RTRAF: variants seen among roughly 807,000 people sequenced by gnomAD.
RTRAF encodes tRNA-splicing ligase complex subunit RTRAF.
Under a neutral mutation model 34.4 loss-of-function variants are expected in RTRAF, and 14 were observed. That is an observed-to-expected ratio of 0.41 (90% CI 0.27 to 0.64). RTRAF has a LOEUF of 0.64. Ranked by LOEUF, RTRAF falls within the 30% of genes least tolerant of loss-of-function variation. RTRAF has a pLI of 0.34. For missense variants in RTRAF, 291 were observed against 288.4 expected (o/e 1.01, Z -0.06); for synonymous variants, 96 against 95.3 (o/e 1.01, Z -0.04).
chr14:52,005,502 AG>A lies in RTRAF; in HGVS notation c.*987del, dbSNP rs1890736749. 6.3e-7 allele frequency: 1 copy of A among 1,596,854 alleles called. No homozygotes were observed. The highest frequency in any genetic ancestry group is 1.4e-5 in the African/African-American group (1 of 73,906). On this transcript the variant is annotated 3_prime_UTR_variant, in exon 8 of 8. Transcript: ENST00000261700. ...TTACTGTACTTACTTTCTTCCTGTG[AG>A]AGAAGAGCAGGGGTGGGACAGGGTG... is the stretch of plus-strand genomic sequence containing the variant.
chr14:52,005,219 T>A lies in RTRAF; in HGVS notation c.*703T>A, dbSNP rs12896261. The A allele has an allele frequency of 0.073, 25,365 of 346,732 alleles. 1,100 individuals are homozygous for A. The highest frequency in any genetic ancestry group is 0.14 in the Middle Eastern group (174 of 1,272). 21.5% of individuals were successfully genotyped at this position (346,732 alleles called of 1,614,324 possible). A position where few individuals can be genotyped will look rare whatever the true frequency, so the allele number is the denominator to read the frequency against. ...CTTTTAAATATTAATGATAAATGTTTACAAGAAGTTGCTTTAATAAGCAAC... is the reference window on the plus strand; with the variant it reads ...CTTTTAAATATTAATGATAAATGTTAACAAGAAGTTGCTTTAATAAGCAAC... On this transcript the variant is annotated 3_prime_UTR_variant, in exon 8 of 8. Transcript: ENST00000261700.
At chr14:51,989,755 G>T (rs953153685) in intron 1 of RTRAF, 55 bp downstream of exon 1, 21 of 1,525,394 alleles carry the variant, frequency 1.4e-5, no homozygotes, top group Non-Finnish European at 1.9e-5. Flanking sequence ...GGAGGTCCCA[G>T]CCTCAGTGCC....
At position 52,005,762 on chromosome 14, in the gene RTRAF, A is replaced by AGTT. The variant is rs1172130506; in HGVS notation, c.*1247_*1249dup. 1 of 1,613,808 alleles carries AGTT rather than the reference A, an allele frequency of 6.2e-7. No homozygotes were observed. Among genetic ancestry groups the AGTT allele is most frequent in the Admixed American group, 1.7e-5 (1 of 60,020 alleles). On this transcript the variant is annotated 3_prime_UTR_variant, in exon 8 of 8. Transcript: ENST00000261700. ...CTGTTGGGCAGTAGGGGTAGACTGC[A>AGTT]GTTATCCCGTAGAGGTGAGATCGTT...
chr14:52,004,507 T>G lies in RTRAF; in HGVS notation c.726T>G (p.Val242=). ...AGACAGACCACAGACTGGGAAAAGT[T>G]GGAAGATGAACACTTGAGGACTTCA... ...DPKTDHRLGK[V]GR The change falls in exon 8 of 8, where the codon GTT becomes GTG. Residue 242 remains valine, a synonymous_variant. Transcript: ENST00000261700. 1 of 1,612,952 alleles carries G rather than the reference T, an allele frequency of 6.2e-7. No homozygotes were observed. Among genetic ancestry groups the G allele is most frequent in the Non-Finnish European group, 8.5e-7 (1 of 1,179,708 alleles).
chr14:52,003,647 T>TTTTCA (rs1286353635), intron 6 of RTRAF, among the ~76,000 whole-genome samples: 1 of 152,112 alleles, frequency 6.6e-6, no homozygotes, highest in African/African-American at 2.4e-5. Context: ...GTGGTTTAGT[T>TTTTCA]TTTCATTTTC....
intron 1 of RTRAF, among the ~76,000 whole-genome samples, chr14:51,990,699 C>A (rs1594983777): frequency 6.6e-6 from 1 of 152,170 alleles, no homozygotes. Flanking sequence ...ATATTACCTA[C>A]CTCAAAAGAG....
intron 5 of RTRAF, among the ~76,000 whole-genome samples, chr14:52,001,481 CAGGT>C (rs1890601389): frequency 6.6e-6 from 1 of 152,132 alleles, no homozygotes; most frequent in Non-Finnish European, 1.5e-5. Context: ...TCGCAAGGCT[CAGGT>C]AGGAAGGAGA....
chr14:52,006,505 T>C lies in RTRAF; in HGVS notation c.*1989T>C. The C allele has an allele frequency of 6.2e-7, 1 of 1,612,508 alleles. No individual in the cohort carries two copies. Among genetic ancestry groups the C allele is most frequent in the Non-Finnish European group, 8.5e-7 (1 of 1,178,862 alleles). Reference sequence around the variant, plus strand: ...GTGTGTCCTCTGGAACAGTTGGCCTTTTCAGGCTTGTCCAGAATTTGTGGG... The same window carrying C: ...GTGTGTCCTCTGGAACAGTTGGCCTCTTCAGGCTTGTCCAGAATTTGTGGG... On this transcript the variant is annotated 3_prime_UTR_variant, in exon 8 of 8. Transcript: ENST00000261700.
chr14:52,002,630 A>G (rs1431423072), intron 6 of RTRAF, among the ~76,000 whole-genome samples: 2 of 152,264 alleles, frequency 1.3e-5, no homozygotes, highest in South Asian at 4.1e-4. Context: ...AAAGATGCCT[A>G]AAGTTTCACT....
chr14:52,001,758 C>T, intron 5 of RTRAF, 40 bp from the exon 6 acceptor site: 2 of 1,546,832 alleles, frequency 1.3e-6, no homozygotes, highest in Non-Finnish European at 1.8e-6. Context: ...ATGACAGGTA[C>T]ACAGCCTATA....
At chr14:51,991,533 AAATGAT>A (rs952156954) in intron 2 of RTRAF, 92 bp downstream of exon 2, 2 of 1,410,218 alleles carry the variant, frequency 1.4e-6, no homozygotes, top group African/African-American at 2.9e-5. Context: ...TTTAAGAAAA[AAATGAT>A]AATGATCAGT....
Position 51,991,374 on chromosome 14 carries a change from A to G in RTRAF, c.119A>G (p.Tyr40Cys). The G allele has an allele frequency of 6.2e-7, 1 of 1,613,564 alleles. No individual in the cohort carries two copies. The highest frequency in any genetic ancestry group is 1.1e-5 in the South Asian group (1 of 91,056). Residue 40 changes from tyrosine (Y) to cysteine (C), a missense_variant, in exon 2 of 8, where the codon TAC (tyrosine) becomes TGC (cysteine). By Grantham distance (194) the Tyr-to-Cys change is radical. Coordinates refer to ENST00000261700, the MANE Select transcript of RTRAF (RefSeq NM_016039.3). ...VWLEDQKIRH[Y>C]KIEDRGNLRN... ...CTTGAAGACCAGAAAATCAGGCACT[A>G]CAAGATTGAAGACAGAGGGAATTTA...
chr14:52,005,316 G>GAGGTATCAGCTTT lies in RTRAF; in HGVS notation c.*801_*813dup. Reference sequence around the variant, plus strand: ...TTTTAAAAATACAGTAGTAAAGATTGAGGTATCAGCTTTTCACAAAAGTCT... The same window carrying GAGGTATCAGCTTT: ...TTTTAAAAATACAGTAGTAAAGATTGAGGTATCAGCTTTAGGTATCAGCTTTTCACAAAAGTCT... On this transcript the variant is annotated 3_prime_UTR_variant, in exon 8 of 8. Transcript: ENST00000261700. 4.3e-6 allele frequency: 2 copies of GAGGTATCAGCTTT among 470,576 alleles called. No homozygotes were observed. The allele number at this position is 470,576 out of a possible 1,614,324, so 29.2% of individuals were successfully genotyped here. A position where few individuals can be genotyped will look rare whatever the true frequency, so the allele number is the denominator to read the frequency against.
chr14:51,995,829 T>C (rs528619828), intron 3 of RTRAF, among the ~76,000 whole-genome samples: 38 of 152,252 alleles, frequency 2.5e-4, no homozygotes, highest in African/African-American at 8.7e-4. Context: ...AAAACTTTTC[T>C]TTCTTTAGAA....
At position 52,007,955 on chromosome 14, in the gene RTRAF, C is replaced by T; in HGVS notation, c.*3439C>T. On this transcript the variant is annotated 3_prime_UTR_variant, in exon 8 of 8. Transcript: ENST00000261700. ...TAGGAGCTTCTCTATTCCAGTCTGTCCAGTACAAGTTGCTGTAAGTTAAAA... is the reference window on the plus strand; with the variant it reads ...TAGGAGCTTCTCTATTCCAGTCTGTTCAGTACAAGTTGCTGTAAGTTAAAA... 6.2e-7 allele frequency: 1 copy of T among 1,603,458 alleles called. No individual in the cohort carries two copies. Among genetic ancestry groups the T allele is most frequent in the Non-Finnish European group, 8.5e-7 (1 of 1,176,796 alleles).
chr14:52,005,397 C>CT lies in RTRAF; in HGVS notation c.*887dup. 3.0e-6 allele frequency: 4 copies of CT among 1,336,558 alleles called. No homozygotes were observed. The highest frequency in any genetic ancestry group is 4.0e-6 in the Non-Finnish European group (4 of 998,214). The allele number at this position is 1,336,558 out of a possible 1,614,324, so 82.8% of individuals were successfully genotyped here. Reference sequence around the variant, plus strand: ...CTCAGGAACGTCTAATGGCCAATTCCTTTTTTACTTTCTTTGCCTTTGCAG... The same window carrying CT: ...CTCAGGAACGTCTAATGGCCAATTCCTTTTTTTACTTTCTTTGCCTTTGCAG... On this transcript the variant is annotated 3_prime_UTR_variant, in exon 8 of 8. Coordinates refer to ENST00000261700, the MANE Select transcript of RTRAF (RefSeq NM_016039.3).
rs2140337623 is a variant in RTRAF, at chr14:52,006,296, C to CTT, written c.*1784_*1785dup. ...GAGACATTATCCAATAGCTTTGCTA[C>CTT]TTTTTAAGCTATATGTGAGCAATAC... On this transcript the variant is annotated 3_prime_UTR_variant, in exon 8 of 8. Transcript: ENST00000261700. 1 of 461,620 alleles carries CTT rather than the reference C, an allele frequency of 2.2e-6. No individual in the cohort carries two copies. The highest frequency in any genetic ancestry group is 2.7e-5 in the South Asian group (1 of 36,718). 28.6% of individuals were successfully genotyped at this position (461,620 alleles called of 1,614,324 possible). A position where few individuals can be genotyped will look rare whatever the true frequency, so the allele number is the denominator to read the frequency against.
chr14:52,008,415 G>A lies in RTRAF; in HGVS notation c.*3899G>A, dbSNP rs1018140191. The A allele has an allele frequency of 6.5e-6, 1 of 153,734 alleles. No individual in the cohort carries two copies. The highest frequency in any genetic ancestry group is 2.0e-4 in the South Asian group (1 of 4,924). The allele number at this position is 153,734 out of a possible 1,614,324, so 9.5% of individuals were successfully genotyped here. On this transcript the variant is annotated 3_prime_UTR_variant, in exon 8 of 8. Transcript: ENST00000261700. ...ATTACCTGATTGCAGCCTTGTGAGA[G>A]ACTCCATGCCTGAGGGAGCTCGGTG...
At position 52,004,014 on chromosome 14, in the gene RTRAF, A is replaced by G; in HGVS notation, c.532-180A>G. 3.2e-6 allele frequency: 2 copies of G among 616,012 alleles called. 1 individual carries two copies. Among genetic ancestry groups the G allele is most frequent in the South Asian group, 4.2e-5 (2 of 47,584 alleles). The allele number at this position is 616,012 out of a possible 1,614,324, so 38.2% of individuals were successfully genotyped here. A position where few individuals can be genotyped will look rare whatever the true frequency, so the allele number is the denominator to read the frequency against. ...ACTTTTCCCCCTAACCGGTTGAAAT[A>G]GGGAAAACTCGCTAATCACAATCAT... On this transcript the variant is annotated intron_variant, in intron 6 of 7. Coordinates refer to ENST00000261700, the MANE Select transcript of RTRAF (RefSeq NM_016039.3).
Sources: allele counts gnomAD v4.1 joint callset (sites outside exome capture counted in the v4.1 genomes callset), GRCh38; gene constraint gnomAD v4.1.1; transcripts MANE v1.5; gene names NCBI Gene and HGNC (gene_info 2026-07-23, HGNC 2026-07-21).